The following DTNB variants were observed in gnomAD, a reference collection of about 807,000 sequenced individuals.
The protein encoded by DTNB is dystrobrevin beta, also known as DTN-B.
A neutral mutation model predicts 90.7 loss-of-function variants in DTNB; 63 were observed. The observed-to-expected ratio is 0.69, with a 90% CI of 0.57 to 0.86. The LOEUF is 0.86. Ranked by LOEUF, DTNB falls within the 40% of genes least tolerant of loss-of-function variation. DTNB has a pLI of 0.00. For missense variants in DTNB, 744 were observed against 807.1 expected (o/e 0.92, Z 0.95); for synonymous variants, 277 against 286.7 (o/e 0.97, Z 0.34).
At chr2:25,553,115 C>T (rs2056657005) in intron 8 of DTNB, among the ~76,000 whole-genome samples, 1 of 151,836 alleles carries the variant, frequency 6.6e-6, no homozygotes, top group South Asian at 2.1e-4. Context: ...CCGCCTCGGC[C>T]TCCCAGTTGA....
rs1415698656 is a variant in DTNB at position 25,644,946 on chromosome 2, A to ACT, written c.68-5854_68-5853dup. ...AAGACCACTGAATACTGTAAGGATG[A>ACT]CTCTCTCAGTGGGTGAACTAGGAAA... On this transcript the variant is annotated intron_variant, in intron 2 of 20. Coordinates refer to ENST00000406818, the MANE Select transcript of DTNB (RefSeq NM_021907.5). Among the ~76,000 whole-genome samples the ACT allele has an allele frequency of 2.6e-5, 4 of 152,122 alleles. No homozygotes were observed. The South Asian group carries it at 8.3e-4, about 32-fold the overall frequency.
intron 16 of DTNB, among the ~76,000 whole-genome samples, chr2:25,398,140 G>A (rs945973442): frequency 2.0e-5 from 3 of 152,226 alleles, no homozygotes; most frequent in African/African-American, 4.8e-5. Flanking sequence ...TGAGACAAGA[G>A]GGGTAGGCAG....
chr2:25,511,807 A>C (rs1356871107), intron 9 of DTNB, among the ~76,000 whole-genome samples: 1 of 152,208 alleles, frequency 6.6e-6, no homozygotes, highest in Non-Finnish European at 1.5e-5. Flanking sequence ...GAAGCTCTTC[A>C]CAAGAATGTT....
At chr2:25,597,770 C>T (rs2064947031) in intron 5 of DTNB, among the ~76,000 whole-genome samples, 1 of 152,128 alleles carries the variant, frequency 6.6e-6, no homozygotes, top group Admixed American at 6.5e-5. Context: ...GGTCCAAGTG[C>T]AAGCGCTCTG....
chr2:25,465,019 A>G lies in DTNB; in HGVS notation c.1080-9525T>C, dbSNP rs545255910. 5.5e-4 allele frequency among the ~76,000 whole-genome samples: 84 copies of G among 152,200 alleles called. 1 individual carries two copies. Among genetic ancestry groups the G allele is most frequent in the Non-Finnish European group, 1.1e-3 (73 of 68,028 alleles). Reference sequence around the variant, plus strand: ...TAAAGTCTGGAACTTAATTCACAGTAGTGTATGGGTATTATTTCTTAGTTG... The same window carrying G: ...TAAAGTCTGGAACTTAATTCACAGTGGTGTATGGGTATTATTTCTTAGTTG... On this transcript the variant is annotated intron_variant, in intron 10 of 20. Coordinates refer to ENST00000406818, the MANE Select transcript of DTNB (RefSeq NM_021907.5).
intron 10 of DTNB, among the ~76,000 whole-genome samples, chr2:25,466,541 G>A (rs2061814501): frequency 6.6e-6 from 1 of 152,200 alleles, no homozygotes; most frequent in Admixed American, 6.5e-5. Context: ...GTTAGAGAAC[G>A]CAGGGGAGCT....
chr2:25,397,448 C>T (rs2042680313), intron 16 of DTNB, among the ~76,000 whole-genome samples: 1 of 151,926 alleles, frequency 6.6e-6, no homozygotes, highest in South Asian at 2.1e-4. Context: ...ATAAAATGTC[C>T]AGAATAGGCA....
intron 4 of DTNB, among the ~76,000 whole-genome samples, chr2:25,620,858 T>A (rs1272341622): frequency 2.6e-5 from 4 of 152,020 alleles, no homozygotes; most frequent in Non-Finnish European, 5.9e-5. Flanking sequence ...AGCTCTGAAA[T>A]TTTAAAAAGC....
At chr2:25,551,154 A>G (rs917928198) in intron 8 of DTNB, among the ~76,000 whole-genome samples, 3 of 152,044 alleles carry the variant, frequency 2.0e-5, no homozygotes, top group Admixed American at 2.0e-4. Flanking sequence ...GCTACATCCA[A>G]TTTGCTATGT....
chr2:25,526,521 G>A (rs530660581), intron 9 of DTNB, among the ~76,000 whole-genome samples: 9 of 150,906 alleles, frequency 6.0e-5, no homozygotes, highest in Non-Finnish European at 1.0e-4. Context: ...TCAGCCTCCC[G>A]AGTAGCCGGG....
rs11352371 is a variant in DTNB at position 25,532,245 on chromosome 2, C to CAA, written c.877-650_877-649dup. On this transcript the variant is annotated intron_variant, in intron 8 of 20. Coordinates refer to ENST00000406818, the MANE Select transcript of DTNB (RefSeq NM_021907.5). Reference sequence around the variant, plus strand: ...AGGCAACAAGAGCAAAACTCTGTCTCAAAAAAAAAAAAAAAAAAAAAGAAC... The same window carrying CAA: ...AGGCAACAAGAGCAAAACTCTGTCTCAAAAAAAAAAAAAAAAAAAAAAAGAAC... Among the ~76,000 whole-genome samples the CAA allele has an allele frequency of 4.4e-3, 326 of 73,712 alleles. 1 individual carries two copies. Among genetic ancestry groups the CAA allele is most frequent in the African/African-American group, 0.011 (238 of 21,774 alleles). 48.4% of individuals were successfully genotyped at this position (73,712 alleles called of 152,430 possible).
chr2:25,450,929 C>T (rs1191118804), intron 12 of DTNB, among the ~76,000 whole-genome samples: 1 of 152,098 alleles, frequency 6.6e-6, no homozygotes, highest in African/African-American at 2.4e-5. Flanking sequence ...CTCAGCCTTC[C>T]CAGCATCTGG....
chr2:25,583,300 TATAAA>T (rs2061845565), intron 6 of DTNB, among the ~76,000 whole-genome samples: 2 of 149,784 alleles, frequency 1.3e-5, no homozygotes, highest in Admixed American at 6.6e-5. Flanking sequence ...TACACATGTA[TATAAA>T]ATAAAATTAC....
At chr2:25,613,871 T>C (rs182841999) in intron 4 of DTNB, among the ~76,000 whole-genome samples, 1,571 of 152,184 alleles carry the variant, frequency 0.01, 14 homozygotes, top group African/African-American at 0.036. Context: ...GGCAGGAGAA[T>C]TGCTTGAACC....
Position 25,416,841 on chromosome 2 carries a change from G to GAAGA in DTNB, c.1575+2673_1575+2674insTCTT, listed in dbSNP as rs879406570. Among the ~76,000 whole-genome samples the GAAGA allele has an allele frequency of 2.8e-4, 43 of 151,272 alleles. 1 individual carries two copies. Among genetic ancestry groups the GAAGA allele is most frequent in the South Asian group, 4.2e-4 (2 of 4,804 alleles). On this transcript the variant is annotated intron_variant, in intron 16 of 20. Coordinates refer to ENST00000406818, the MANE Select transcript of DTNB (RefSeq NM_021907.5). ...GGAAGGAAGGAAGGAAGGAAGGAAGGAAGGAAGGGTGGTTGGGTTAGGGTT... is the reference window on the plus strand; with the variant it reads ...GGAAGGAAGGAAGGAAGGAAGGAAGGAAGAAAGGAAGGGTGGTTGGGTTAGGGTT...
chr2:25,514,828 C>T (rs2074740251), intron 9 of DTNB, among the ~76,000 whole-genome samples: 2 of 151,378 alleles, frequency 1.3e-5, no homozygotes, highest in Non-Finnish European at 2.9e-5. Context: ...GGATTGCAGG[C>T]CCCACCTCCA....
chr2:25,570,364 C>A (rs1043922146), intron 8 of DTNB, among the ~76,000 whole-genome samples: 1 of 133,126 alleles, frequency 7.5e-6, no homozygotes, highest in South Asian at 2.3e-4. Context: ...TCCATGATCA[C>A]GCCACTGCAC....
chr2:25,411,622 T>C (rs1421100987), intron 16 of DTNB, among the ~76,000 whole-genome samples: 2 of 152,126 alleles, frequency 1.3e-5, no homozygotes, highest in South Asian at 2.1e-4. Context: ...GCGATCCTCA[T>C]TTACCAACAG....
chr2:25,401,463 CAG>C (rs1247216502), intron 16 of DTNB, among the ~76,000 whole-genome samples: 1 of 152,222 alleles, frequency 6.6e-6, no homozygotes, highest in Non-Finnish European at 1.5e-5. Context: ...CATGCTGTGG[CAG>C]AGAGAACTGG....
Sources: gnomAD v4.1 joint callset for allele counts (sites outside exome capture counted in the v4.1 genomes callset) on GRCh38, gnomAD v4.1.1 for gene constraint, MANE v1.5 for transcripts, NCBI Gene and HGNC (gene_info 2026-07-23, HGNC 2026-07-21) for gene names.